Variants in COL5A1 observed in about 807,000 individuals in gnomAD.
The protein encoded by COL5A1 is collagen type V alpha 1 chain.
In COL5A1, 16 loss-of-function variants were observed where a neutral mutation model predicts 263.7. The ratio of observed to expected loss-of-function variants is 0.06; its 90% CI spans 0.04 to 0.09. The LOEUF (loss-of-function observed/expected upper bound fraction) is 0.09. Ranked by LOEUF, COL5A1 falls within the 10% of genes least tolerant of loss-of-function variation. The probability of loss-of-function intolerance (pLI) is 1.00; values close to 1 mark genes in which losing one functional copy is unlikely to be tolerated. For synonymous variants in COL5A1, 1,012 were observed against 1,004.5 expected, an observed-to-expected ratio of 1.01 and a Z score of -0.14; for missense variants, 2,036 against 2,540.5, an observed-to-expected ratio of 0.80 and a Z score of 4.27.
At chr9:134,837,281 A>T (rs915261348) in intron 65 of COL5A1, among the ~76,000 whole-genome samples, 1 of 152,152 alleles carries the variant, frequency 6.6e-6, no homozygotes, top group Non-Finnish European at 1.5e-5. Context: ...AAGGGAAACT[A>T]GCTGGCCCAG....
intron 4 of COL5A1, among the ~76,000 whole-genome samples, chr9:134,719,781 ATG>A (rs2132617972): frequency 6.6e-6 from 1 of 152,304 alleles, no homozygotes; most frequent in East Asian, 1.9e-4. Context: ...GGAGAAAGCA[ATG>A]AAGGGTGGAG....
At chr9:134,658,628 T>C (rs1832101560) in intron 1 of COL5A1, among the ~76,000 whole-genome samples, 1 of 152,124 alleles carries the variant, frequency 6.6e-6, no homozygotes, top group South Asian at 2.1e-4. Context: ...CCGAGGGCAG[T>C]GTGGGCCTAA....
rs770802769 is a variant in COL5A1, at chr9:134,814,877, C to T, written c.3987C>T (p.Pro1329=). The change falls in exon 50 of 66, where the codon CCC becomes CCT. Residue 1329 remains proline, a synonymous_variant. Coordinates refer to ENST00000371817, the MANE Select transcript of COL5A1 (RefSeq NM_000093.5). ...AAGPPGPKGP[P]GDDGPKGSPG... The stretch of plus-strand genomic sequence containing the variant: ...GACCCCCTGGACCCAAAGGCCCTCC[C>T]GGAGATGATGGTCCCAAAGGCAGCC... The T allele has an allele frequency of 3.8e-5, 59 of 1,551,004 alleles. No individual in the cohort carries two copies. Among genetic ancestry groups the T allele is most frequent in the Admixed American group, 9.8e-5 (5 of 51,008 alleles).
Position 134,729,128 on chromosome 9 carries a change from C to T in COL5A1, c.924+321C>T, listed in dbSNP as rs140633256. Among the ~76,000 whole-genome samples, 201 of 152,308 alleles carry T rather than the reference C, an allele frequency of 1.3e-3. 1 individual carries two copies. The highest frequency in any genetic ancestry group is 4.3e-3 in the African/African-American group (179 of 41,578). Reference sequence around the variant, plus strand: ...GCAGGCCCAGGATGAGTTTGGTTCTCGGGTTCCTTAAGTGTGGGTGCAGCT... The same window carrying T: ...GCAGGCCCAGGATGAGTTTGGTTCTTGGGTTCCTTAAGTGTGGGTGCAGCT... On this transcript the variant is annotated intron_variant, in intron 6 of 65. Transcript: ENST00000371817.
intron 25 of COL5A1, among the ~76,000 whole-genome samples, chr9:134,769,035 G>A (rs766031495): frequency 2.0e-5 from 3 of 152,186 alleles, no homozygotes; most frequent in Non-Finnish European, 4.4e-5. Flanking sequence ...GCACACGTGC[G>A]TGTACATGAG....
rs765114839 is a variant in COL5A1, at chr9:134,678,038, C to G, written c.110-12874C>G. Among the ~76,000 whole-genome samples the G allele has an allele frequency of 3.9e-5, 6 of 152,390 alleles. No homozygotes were observed. The highest frequency in any genetic ancestry group is 3.4e-3 in the Middle Eastern group (1 of 294). Reference sequence around the variant, plus strand: ...TTCCGCTCTTCCTCGGATTGAGCCTCGCTCTGCCCTCATCATGGCCCCAGT... The same window carrying G: ...TTCCGCTCTTCCTCGGATTGAGCCTGGCTCTGCCCTCATCATGGCCCCAGT... On this transcript the variant is annotated intron_variant, in intron 1 of 65. Coordinates refer to ENST00000371817, the MANE Select transcript of COL5A1 (RefSeq NM_000093.5). The surrounding 1 kb of genome is among the most constrained non-coding windows in gnomAD (Gnocchi z 5.5).
In COL5A1 at chr9:134,768,529, A is replaced by G. The variant is rs10776900; in HGVS notation, c.2286+66A>G. 554,590 of 1,513,314 alleles carry G rather than the reference A, an allele frequency of 0.37. 105,491 individuals are homozygous for G. Among genetic ancestry groups the G allele is most frequent in the East Asian group, 0.7 (30,900 of 44,268 alleles). The allele number at this position is 1,513,314 out of a possible 1,614,324, so 93.7% of individuals were successfully genotyped here. A position where few individuals can be genotyped will look rare whatever the true frequency, so the allele number is the denominator to read the frequency against. Reference sequence around the variant, plus strand: ...ACCTCCACCCTGCGGATAGGGCTGCAGGCCCAGGCTCTTTGGGGTTGTTGT... The same window carrying G: ...ACCTCCACCCTGCGGATAGGGCTGCGGGCCCAGGCTCTTTGGGGTTGTTGT... On this transcript the variant is annotated intron_variant, in intron 25 of 65. Coordinates refer to ENST00000371817, the MANE Select transcript of COL5A1 (RefSeq NM_000093.5).
intron 42 of COL5A1, among the ~76,000 whole-genome samples, chr9:134,808,233 TC>T (rs1838365026): frequency 6.6e-6 from 1 of 152,112 alleles, no homozygotes; most frequent in South Asian, 2.1e-4. Flanking sequence ...ATTCCATGTT[TC>T]CCTTCCCAAT....
intron 4 of COL5A1, among the ~76,000 whole-genome samples, chr9:134,703,915 A>C (rs908378480): frequency 1.3e-5 from 2 of 152,090 alleles, no homozygotes; most frequent in African/African-American, 4.8e-5. Context: ...CTGGGATTGC[A>C]GGCGTGAGCC....
In COL5A1 at chr9:134,830,146, C is replaced by G. The variant is rs1301179556; in HGVS notation, c.5136+102C>G. ...GCTGGCCCAAAGAGCAGCCTTCCACCTGGTATAGTCAGTACAAGCGGGGGT... is the reference window on the plus strand; with the variant it reads ...GCTGGCCCAAAGAGCAGCCTTCCACGTGGTATAGTCAGTACAAGCGGGGGT... On this transcript the variant is annotated intron_variant, in intron 64 of 65. Transcript: ENST00000371817. The G allele has an allele frequency of 1.1e-5, 18 of 1,612,158 alleles. No individual in the cohort carries two copies. Among genetic ancestry groups the G allele is most frequent in the Non-Finnish European group, 1.5e-5 (18 of 1,179,156 alleles).
Position 134,731,489 on chromosome 9 carries a change from T to C in COL5A1, c.1165-7T>C, listed in dbSNP as rs1275261908. 6.2e-7 allele frequency: 1 copy of C among 1,614,004 alleles called. No individual in the cohort carries two copies. Among genetic ancestry groups the C allele is most frequent in the South Asian group, 1.1e-5 (1 of 91,034 alleles). On this transcript the variant is annotated splice_region_variant and splice_polypyrimidine_tract_variant and intron_variant, in intron 7 of 65. Transcript: ENST00000371817. ...AGGCAACCCTGCGCCTTCCTCTCCC[T>C]CTGCAGCCAGCTCCGCCTCCAGGGG...
chr9:134,766,534 G>A (rs754488940), intron 22 of COL5A1, 36 bp downstream of exon 22: 3 of 1,607,924 alleles, frequency 1.9e-6, no homozygotes, highest in Non-Finnish European at 1.7e-6. Flanking sequence ...GGCTTCAGGG[G>A]CACTTTCCCT....
intron 11 of COL5A1, among the ~76,000 whole-genome samples, chr9:134,746,640 A>G (rs1164052364): frequency 6.6e-6 from 1 of 152,214 alleles, no homozygotes; most frequent in Non-Finnish European, 1.5e-5. Context: ...GGAAGTAGGC[A>G]CCTGATTTCT....
At chr9:134,778,422 C>T (rs1457257477) in intron 27 of COL5A1, among the ~76,000 whole-genome samples, 1 of 152,230 alleles carries the variant, frequency 6.6e-6, no homozygotes, top group Non-Finnish European at 1.5e-5. Flanking sequence ...TCCCACTCAG[C>T]CCTGGAATAC....
chr9:134,782,742 T>G (rs1333864492), intron 29 of COL5A1, 22 bp downstream of exon 29: 2 of 1,613,508 alleles, frequency 1.2e-6, no homozygotes, highest in South Asian at 2.2e-5. Context: ...AGGTTTGGGA[T>G]TTGGGCTGGG....
At chr9:134,749,580 T>C (rs529603343) in intron 11 of COL5A1, among the ~76,000 whole-genome samples, 5 of 152,326 alleles carry the variant, frequency 3.3e-5, no homozygotes, top group African/African-American at 1.2e-4. Context: ...GAATCCATCA[T>C]GGGTTTCCTG....
At chr9:134,774,678 G>C (rs1374524218) in intron 26 of COL5A1, among the ~76,000 whole-genome samples, 181 bp from the exon 27 acceptor site, 1 of 152,200 alleles carries the variant, frequency 6.6e-6, no homozygotes, top group Non-Finnish European at 1.5e-5. Context: ...CACCTCCACT[G>C]TCAGTGCAGG....
Position 134,830,304 on chromosome 9 carries a change from G to A in COL5A1, c.5136+260G>A, listed in dbSNP as rs1169445936. The A allele has an allele frequency of 3.7e-5, 34 of 924,950 alleles. 1 individual carries two copies. The highest frequency in any genetic ancestry group is 3.3e-4 in the South Asian group (21 of 64,270). 57.3% of individuals were successfully genotyped at this position (924,950 alleles called of 1,614,324 possible). A position where few individuals can be genotyped will look rare whatever the true frequency, so the allele number is the denominator to read the frequency against. On this transcript the variant is annotated intron_variant, in intron 64 of 65. Transcript: ENST00000371817. ...CTCTTGCCAAACCGCTCCACATCAC[G>A]TGACAGCAAGACTCAGCTAGGTGTG...
At chr9:134,833,805 C>T (rs1358008877) in intron 64 of COL5A1, among the ~76,000 whole-genome samples, 2 of 152,212 alleles carry the variant, frequency 1.3e-5, no homozygotes, top group East Asian at 1.9e-4. Context: ...AGCAGATGGT[C>T]GTTTGTTCAC....
Sources: gnomAD v4.1 joint callset for allele counts (sites outside exome capture counted in the v4.1 genomes callset) on GRCh38, gnomAD v4.1.1 for gene constraint, Gnocchi (gnomAD v3.1) non-coding constraint, MANE v1.5 for transcripts, NCBI Gene and HGNC (gene_info 2026-07-23, HGNC 2026-07-21) for gene names.